The following GRM1 variants were observed in gnomAD, a reference collection of about 807,000 sequenced individuals.
GRM1 encodes metabotropic glutamate receptor 1.
A neutral mutation model predicts 90.9 loss-of-function variants in GRM1; 33 were observed. The observed-to-expected ratio is 0.36, with a 90% CI of 0.28 to 0.49. GRM1 has a LOEUF of 0.49. GRM1 is among the 20% of genes least tolerant of loss of function. GRM1 has a pLI of 0.99. For synonymous variants in GRM1, 700 were observed against 613.2 expected (o/e 1.14, Z -2.09); for missense variants, 1,190 against 1,534.3 (o/e 0.78, Z 3.75).
intron 2 of GRM1, among the ~76,000 whole-genome samples, chr6:146,202,530 A>G (rs571908601): frequency 2.0e-5 from 3 of 152,204 alleles, no homozygotes; most frequent in African/African-American, 7.2e-5. Context: ...ATCATTTACA[A>G]TTCTTAACAC....
chr6:146,370,622 AC>A (rs1309783298), intron 5 of GRM1, among the ~76,000 whole-genome samples: 1 of 152,048 alleles, frequency 6.6e-6, no homozygotes, highest in Non-Finnish European at 1.5e-5. Context: ...ACAGCGGGTC[AC>A]TAAACAGAAG....
chr6:146,146,004 TGGGTTTCA>T (rs1427286185), intron 1 of GRM1, among the ~76,000 whole-genome samples: 1 of 151,892 alleles, frequency 6.6e-6, no homozygotes, highest in Non-Finnish European at 1.5e-5. Context: ...TCTGCTCTCT[TGGGTTTCA>T]GACTTTCCTA....
intron 2 of GRM1, among the ~76,000 whole-genome samples, chr6:146,274,307 C>A (rs907762766): frequency 6.6e-6 from 1 of 152,106 alleles, no homozygotes; most frequent in African/African-American, 2.4e-5. Context: ...TGCATAATTG[C>A]AATACATATT....
Position 146,352,384 on chromosome 6 carries a change from G to T in GRM1, c.1321G>T (p.Ala441Ser). Residue 441 changes from alanine to serine, a missense_variant, in exon 4 of 8, where the codon GCC becomes TCC. By Grantham distance (99) the Ala-to-Ser change is moderately conservative. Transcript: ENST00000282753. ...CCCTGGCCACGTGGGCCTCTGCGAT[G>T]CCATGAAGCCCATCGACGGCAGCAA... is the stretch of plus-strand genomic sequence containing the variant. ...LCPGHVGLCD[A>S]MKPIDGSKLL... The T allele has an allele frequency of 6.2e-7, 1 of 1,614,130 alleles. No individual in the cohort carries two copies. Among genetic ancestry groups the T allele is most frequent in the East Asian group, 2.2e-5 (1 of 44,874 alleles).
At chr6:146,325,517 C>T in intron 3 of GRM1, among the ~76,000 whole-genome samples, 1 of 152,102 alleles carries the variant, frequency 6.6e-6, no homozygotes, top group East Asian at 1.9e-4. Flanking sequence ...TACACCTTAC[C>T]CTAGGAATAA....
chr6:146,049,619 C>A, intron 1 of GRM1, among the ~76,000 whole-genome samples: 1 of 148,348 alleles, frequency 6.7e-6, no homozygotes, highest in South Asian at 2.2e-4. Context: ...TCCATAATTG[C>A]ATGAGCCAAT....
At chr6:146,048,109 T>A (rs1451641532) in intron 1 of GRM1, among the ~76,000 whole-genome samples, 1 of 152,014 alleles carries the variant, frequency 6.6e-6, no homozygotes. Context: ...GGTAAAGCAC[T>A]CCATACAGCG....
At chr6:146,380,996 G>A (rs1776298360) in intron 5 of GRM1, among the ~76,000 whole-genome samples, 1 of 152,282 alleles carries the variant, frequency 6.6e-6, no homozygotes, top group Admixed American at 6.5e-5. Flanking sequence ...TATCCTAGAT[G>A]CAAGACAATG....
At chr6:146,305,508 G>A (rs1158984866) in intron 3 of GRM1, among the ~76,000 whole-genome samples, 1 of 152,144 alleles carries the variant, frequency 6.6e-6, no homozygotes, top group Non-Finnish European at 1.5e-5. Context: ...TAACTTTTAT[G>A]AGTATTATTA....
intron 1 of GRM1, among the ~76,000 whole-genome samples, chr6:146,139,770 A>G (rs540097035): frequency 1.3e-5 from 2 of 152,082 alleles, no homozygotes; most frequent in Non-Finnish European, 2.9e-5. Flanking sequence ...CAATCATTCC[A>G]TATCTTTTGA....
At chr6:146,227,488 A>T (rs534488620) in intron 2 of GRM1, among the ~76,000 whole-genome samples, 21 of 152,346 alleles carry the variant, frequency 1.4e-4, no homozygotes, top group South Asian at 8.3e-4. Flanking sequence ...GCAATATTTT[A>T]AAAATAGCAT....
intron 6 of GRM1, among the ~76,000 whole-genome samples, chr6:146,391,442 A>G (rs961805267): frequency 6.6e-6 from 1 of 152,098 alleles, no homozygotes; most frequent in African/African-American, 2.4e-5. Context: ...CAACTCTCAC[A>G]AAGTCCCCCT....
intron 1 of GRM1, among the ~76,000 whole-genome samples, chr6:146,121,024 C>G (rs954208680): frequency 1.3e-5 from 2 of 152,166 alleles, no homozygotes; most frequent in Admixed American, 1.3e-4. Flanking sequence ...ATCAACTCCT[C>G]CTTGTACCTC....
intron 3 of GRM1, among the ~76,000 whole-genome samples, chr6:146,318,550 C>G (rs1251507767): frequency 6.6e-6 from 1 of 152,170 alleles, no homozygotes; most frequent in Non-Finnish European, 1.5e-5. Context: ...AATGGTATTT[C>G]TGGTTCTAGG....
chr6:146,319,179 T>C (rs1192785619), intron 3 of GRM1, among the ~76,000 whole-genome samples: 1 of 151,376 alleles, frequency 6.6e-6, no homozygotes, highest in East Asian at 1.9e-4. Flanking sequence ...GTATAAGGTG[T>C]AAGGAAGGGG....
In GRM1 at chr6:146,158,929, G is replaced by T. The variant is rs74650736; in HGVS notation, c.701-419G>T. Among the ~76,000 whole-genome samples, 222 of 152,250 alleles carry T rather than the reference G, an allele frequency of 1.5e-3. 6 individuals are homozygous for T. The East Asian group carries it at 0.038, about 26-fold the overall frequency. On this transcript the variant is annotated intron_variant, in intron 1 of 7. Coordinates refer to ENST00000282753, the MANE Select transcript of GRM1 (RefSeq NM_001278064.2). ...TGCAGGACTTTATGTTACCAAGAGT[G>T]TCTGTCTCTTAACCTGGCAGCCAGC... is the stretch of plus-strand genomic sequence containing the variant.
At chr6:146,035,319 C>T (rs1402533864) in intron 1 of GRM1, among the ~76,000 whole-genome samples, 1 of 151,888 alleles carries the variant, frequency 6.6e-6, no homozygotes, top group Non-Finnish European at 1.5e-5. Flanking sequence ...AAAGATACAT[C>T]CAAGCACAGT....
intron 1 of GRM1, among the ~76,000 whole-genome samples, chr6:146,157,082 A>T (rs1459944307): frequency 6.6e-6 from 1 of 152,234 alleles, no homozygotes; most frequent in African/African-American, 2.4e-5. Flanking sequence ...TATCATTTGA[A>T]TGCATGTGAC....
intron 1 of GRM1, among the ~76,000 whole-genome samples, chr6:146,058,723 C>T (rs1469651621): frequency 6.6e-6 from 1 of 152,108 alleles, no homozygotes; most frequent in African/African-American, 2.4e-5. Flanking sequence ...GGAGTCAATC[C>T]TCTCAACCCT....
Sources: gnomAD v4.1 joint callset for allele counts (sites outside exome capture counted in the v4.1 genomes callset) on GRCh38, gnomAD v4.1.1 for gene constraint, MANE v1.5 for transcripts, NCBI Gene and HGNC (gene_info 2026-07-23, HGNC 2026-07-21) for gene names.